The following ZC3H12B variants were observed in gnomAD, a reference collection of about 807,000 sequenced individuals.
The protein encoded by ZC3H12B is probable ribonuclease ZC3H12B.
A neutral mutation model predicts 43.9 loss-of-function variants in ZC3H12B; 7 were observed. The ratio of observed to expected loss-of-function variants is 0.16; its 90% CI spans 0.09 to 0.30. The LOEUF is 0.30. ZC3H12B is among the 10% of genes least tolerant of loss of function. The probability of loss-of-function intolerance (pLI) is 1.00; values close to 1 mark genes in which losing one functional copy is unlikely to be tolerated. For missense variants in ZC3H12B, 475 were observed against 670.2 expected, an observed-to-expected ratio of 0.71 and a Z score of 3.22; for synonymous variants, 222 against 241.7, an observed-to-expected ratio of 0.92 and a Z score of 0.76.
chrX:65,319,725 T>C, the ZC3H12B span, among the ~76,000 whole-genome samples: 3 of 111,295 alleles, frequency 2.7e-5, no homozygotes, highest in Middle Eastern at 0.014. Context: ...CTAATCCACC[T>C]TGACCAAGTG....
At chrX:65,279,609 A>G in the ZC3H12B span, among the ~76,000 whole-genome samples, 3 of 111,712 alleles carry the variant, frequency 2.7e-5, no homozygotes, top group Non-Finnish European at 5.6e-5. Context: ...ACCCAAAACT[A>G]TAAAAACTCT....
chrX:65,238,518 TA>T, the ZC3H12B span, among the ~76,000 whole-genome samples: 28 of 110,690 alleles, frequency 2.5e-4, no homozygotes, highest in South Asian at 1.1e-3. Context: ...AACATATCAA[TA>T]TTTTTTTCAA....
At chrX:65,179,990 C>T in the ZC3H12B span, among the ~76,000 whole-genome samples, 1 of 111,743 alleles carries the variant, frequency 8.9e-6, no homozygotes, top group African/African-American at 3.2e-5. Context: ...GGGACTTCTC[C>T]CTAACTTATT....
chrX:65,370,137 A>T (rs1432269142), intron 2 of ZC3H12B, among the ~76,000 whole-genome samples: 1 of 112,504 alleles, frequency 8.9e-6, no homozygotes, highest in Non-Finnish European at 1.9e-5. Flanking sequence ...TTTCGAAGAA[A>T]GGTTAAGATA....
chrX:65,452,435 G>T (rs965535949), intron 3 of ZC3H12B, among the ~76,000 whole-genome samples: 1 of 106,774 alleles, frequency 9.4e-6, no homozygotes, highest in African/African-American at 3.4e-5. Flanking sequence ...TTTTACAATA[G>T]CTGAAAAAAA....
chrX:65,152,011 GC>G, the ZC3H12B span, among the ~76,000 whole-genome samples: 2 of 111,571 alleles, frequency 1.8e-5, no homozygotes, highest in South Asian at 7.6e-4. Context: ...TACAGAAAAG[GC>G]CTTTGACAAA....
chrX:65,387,305 T>G (rs7881562), intron 2 of ZC3H12B, among the ~76,000 whole-genome samples: 26,557 of 110,986 alleles, frequency 0.24, 7,665 homozygotes, highest in African/African-American at 0.83. Context: ...CTAAGGACTG[T>G]CTTTATGAAT....
chrX:65,400,529 C>CT (rs2066750805), intron 3 of ZC3H12B, among the ~76,000 whole-genome samples: 1 of 111,706 alleles, frequency 9.0e-6, no homozygotes, highest in Non-Finnish European at 1.9e-5. Context: ...TTGAATTCAC[C>CT]TTTTTTATGC....
chrX:65,275,039 G>T, the ZC3H12B span, among the ~76,000 whole-genome samples: 1 of 112,194 alleles, frequency 8.9e-6, no homozygotes, highest in African/African-American at 3.2e-5. Flanking sequence ...CCTAGAGGCT[G>T]CCTGTGGTGG....
the ZC3H12B span, among the ~76,000 whole-genome samples, chrX:65,235,951 A>T: frequency 8.9e-6 from 1 of 112,014 alleles, no homozygotes; most frequent in African/African-American, 3.2e-5. Context: ...ATTGAGCAAC[A>T]GAAGGAAAGC....
intron 3 of ZC3H12B, among the ~76,000 whole-genome samples, chrX:65,420,867 G>A (rs970354917): frequency 1.8e-5 from 2 of 112,274 alleles, no homozygotes; most frequent in African/African-American, 6.5e-5. Flanking sequence ...CATTGCTTGA[G>A]CAAATTAACA....
the ZC3H12B span, among the ~76,000 whole-genome samples, chrX:65,164,964 G>A: frequency 1.2e-4 from 13 of 111,718 alleles, no homozygotes; most frequent in African/African-American, 2.9e-4. Context: ...TTTTCCTCAG[G>A]CATTATACAG....
At chrX:65,289,978 A>G in the ZC3H12B span, among the ~76,000 whole-genome samples, 1 of 110,863 alleles carries the variant, frequency 9.0e-6, no homozygotes, top group Non-Finnish European at 1.9e-5. Context: ...AAATAGAGAA[A>G]TGGGGCTTAA....
chrX:65,104,972 C>G, the ZC3H12B span, among the ~76,000 whole-genome samples: 1 of 111,563 alleles, frequency 9.0e-6, no homozygotes, highest in South Asian at 3.8e-4. Flanking sequence ...TATTGTAGCA[C>G]TTTTTACAAT....
At chrX:65,326,845 C>T in the ZC3H12B span, among the ~76,000 whole-genome samples, 4 of 111,249 alleles carry the variant, frequency 3.6e-5, no homozygotes, top group South Asian at 7.4e-4. Flanking sequence ...TAATAGAAGA[C>T]ATACAGATGG....
chrX:65,156,217 G>A, the ZC3H12B span, among the ~76,000 whole-genome samples: 1 of 110,154 alleles, frequency 9.1e-6, no homozygotes, highest in Non-Finnish European at 1.9e-5. Flanking sequence ...TTTAAGACAG[G>A]GTCTTGCTGT....
the ZC3H12B span, among the ~76,000 whole-genome samples, chrX:65,081,232 C>T: frequency 9.0e-6 from 1 of 110,816 alleles, no homozygotes; most frequent in East Asian, 2.8e-4. Flanking sequence ...GGGAAGATCA[C>T]AGAACAACCG....
At chrX:65,130,086 TTTGC>T in the ZC3H12B span, among the ~76,000 whole-genome samples, 1 of 111,559 alleles carries the variant, frequency 9.0e-6, no homozygotes, top group Non-Finnish European at 1.9e-5. Context: ...AGTGTGATTA[TTTGC>T]TTGGTTGGCA....
intron 2 of ZC3H12B, among the ~76,000 whole-genome samples, chrX:65,379,874 G>A (rs888486813): frequency 8.9e-6 from 1 of 111,827 alleles, no homozygotes; most frequent in Non-Finnish European, 1.9e-5. Flanking sequence ...AAGATGAAAT[G>A]AATGAAATGA....
Sources: allele counts gnomAD v4.1 joint callset (sites outside exome capture counted in the v4.1 genomes callset), GRCh38; gene constraint gnomAD v4.1.1; transcripts MANE v1.5; gene names NCBI Gene and HGNC (gene_info 2026-07-23, HGNC 2026-07-21).